The following CR1 variants were observed in gnomAD, a reference collection of about 807,000 sequenced individuals.
CR1 encodes complement C3b/C4b receptor 1 (Knops blood group).
Under a neutral mutation model 187.3 loss-of-function variants are expected in CR1, and 116 were observed. The ratio of observed to expected loss-of-function variants is 0.62; its 90% confidence interval spans 0.53 to 0.72. The LOEUF (loss-of-function observed/expected upper bound fraction) is 0.72, where lower values mean the gene tolerates loss of function less well. Ranked by LOEUF, CR1 falls within the 30% of genes least tolerant of loss-of-function variation. CR1 has a pLI of 0.00. For missense variants in CR1, 1,731 were observed against 2,110.7 expected (o/e 0.82, Z 3.52); for synonymous variants, 576 against 747.1 (o/e 0.77, Z 3.73).
At chr1:207,608,755 T>A (rs1661822196) in intron 36 of CR1, among the ~76,000 whole-genome samples, 1 of 152,190 alleles carries the variant, frequency 6.6e-6, no homozygotes, top group Admixed American at 6.5e-5. Context: ...CAATACTGGT[T>A]ATGTGTGTAT....
intron 5 of CR1, among the ~76,000 whole-genome samples, chr1:207,525,312 A>G (rs1412613490): frequency 6.6e-6 from 1 of 151,652 alleles, no homozygotes; most frequent in Admixed American, 6.6e-5. Flanking sequence ...AGGAAAAGCA[A>G]TAGGACAAAG....
At chr1:207,522,659 G>C (rs1027594149) in intron 4 of CR1, among the ~76,000 whole-genome samples, 1 of 152,114 alleles carries the variant, frequency 6.6e-6, no homozygotes, top group African/African-American at 2.4e-5. Context: ...TAATTCTCCA[G>C]TATTTCTAGC....
intron 27 of CR1, among the ~76,000 whole-genome samples, chr1:207,574,678 G>A (rs1051847025): frequency 2.0e-5 from 3 of 152,134 alleles, no homozygotes; most frequent in Non-Finnish European, 2.9e-5. Context: ...GCAAGAAAAG[G>A]TAGGCTAAAC....
At position 207,614,489 on chromosome 1, in the gene CR1, C is replaced by T. The variant is rs1375478918; in HGVS notation, c.6661C>T (p.Gln2221Ter). 6 of 1,608,436 alleles carry T rather than the reference C, an allele frequency of 3.7e-6. No individual in the cohort carries two copies. The African/African-American group carries it at 6.7e-5, about 18-fold the overall frequency. ...LWNSSVPVCEQIFCPNPPAIL... is the reference protein window; with the variant it reads ...LWNSSVPVCE ...GAATAGCAGTGTTCCAGTGTGTGAA[C>T]GTGAGTAGAAAGAACTATGTAGTTT... The change falls in exon 40 of 47, where the codon CAA (glutamine) becomes TAA (stop). Residue 2221 changes from glutamine to a stop codon, truncating the protein, a stop_gained and splice_region_variant. Transcript: ENST00000367049. LOFTEE classifies it high-confidence loss of function.
chr1:207,633,798 A>C (rs1662724469), intron 46 of CR1, among the ~76,000 whole-genome samples: 1 of 152,242 alleles, frequency 6.6e-6, no homozygotes, highest in Non-Finnish European at 1.5e-5. Context: ...TTGTGTGAGC[A>C]ACATGGCTGT....
At chr1:207,597,263 T>C (rs1467332985) in intron 35 of CR1, among the ~76,000 whole-genome samples, 1 of 152,092 alleles carries the variant, frequency 6.6e-6, no homozygotes, top group Admixed American at 6.5e-5. Flanking sequence ...TCATCAGTTA[T>C]AATAGTAAAT....
chr1:207,584,987 A>T, intron 33 of CR1, 111 bp downstream of exon 33: 1 of 1,490,206 alleles, frequency 6.7e-7, no homozygotes, highest in Non-Finnish European at 9.0e-7. Flanking sequence ...CTTTGTCATA[A>T]GTGTAAATGT....
intron 4 of CR1, among the ~76,000 whole-genome samples, chr1:207,513,920 A>G (rs1659706394): frequency 6.6e-6 from 1 of 152,140 alleles, no homozygotes. Flanking sequence ...CTCAAAGTTA[A>G]AGTTTAAAAC....
intron 1 of CR1, 120 bp downstream of exon 1, chr1:207,496,508 G>A (rs1050700047): frequency 4.7e-6 from 5 of 1,058,086 alleles, no homozygotes; most frequent in Non-Finnish European, 6.4e-6. Flanking sequence ...AAGGCAGCGC[G>A]ATGGGTGGGC....
chr1:207,618,118 C>A lies in CR1; in HGVS notation c.6937C>A (p.His2313Asn). The change falls in exon 42 of 47, where the codon CAC becomes AAC. Residue 2313 changes from histidine to asparagine, a missense_variant. Transcript: ENST00000367049. ...CCAAAACGGGCATTACATTGGAGGA[C>A]ACGTATCTCTATATCTTCCTGGGAT... ...KIQNGHYIGG[H>N]VSLYLPGMTI... 2 of 1,613,784 alleles carry A rather than the reference C, an allele frequency of 1.2e-6. No individual in the cohort carries two copies. Among genetic ancestry groups the A allele is most frequent in the East Asian group, 2.2e-5 (1 of 44,894 alleles).
chr1:207,603,223 G>A (rs983015137), intron 35 of CR1, among the ~76,000 whole-genome samples: 1 of 152,046 alleles, frequency 6.6e-6, no homozygotes, highest in Non-Finnish European at 1.5e-5. Flanking sequence ...CCACCTCTCA[G>A]TGTCTGGTAA....
intron 39 of CR1, among the ~76,000 whole-genome samples, chr1:207,612,991 T>C (rs1207591206): frequency 6.6e-6 from 1 of 152,202 alleles, no homozygotes; most frequent in Non-Finnish European, 1.5e-5. Context: ...ACATCTCCTG[T>C]CGCCCAGCTC....
At position 207,609,344 on chromosome 1, in the gene CR1, A is replaced by G. The variant is rs765001077; in HGVS notation, c.5951A>G (p.Asn1984Ser). ...TISNGDFYSN[N>S]RTSFHNGTVV... ...TCCAATGGAGACTTCTACAGCAACA[A>G]TAGAACATCTTTTCACAATGGAACG... is the stretch of plus-strand genomic sequence containing the variant. The change falls in exon 37 of 47, where the codon AAT (asparagine) becomes AGT (serine). Residue 1984 changes from asparagine (N) to serine (S), a missense_variant. By Grantham distance (46) the Asn-to-Ser change is conservative. Transcript: ENST00000367049. 4.3e-6 allele frequency: 7 copies of G among 1,613,884 alleles called. No homozygotes were observed. Among genetic ancestry groups the G allele is most frequent in the Non-Finnish European group, 5.9e-6 (7 of 1,179,884 alleles).
chr1:207,511,130 C>T (rs1659602467), intron 3 of CR1, among the ~76,000 whole-genome samples: 2 of 152,200 alleles, frequency 1.3e-5, no homozygotes, highest in South Asian at 2.1e-4. Context: ...CCTAATTTGG[C>T]CTTCTTTAAT....
rs140371248 is a variant in CR1, at chr1:207,608,519, C to T, written c.5897-771C>T. Among the ~76,000 whole-genome samples the T allele has an allele frequency of 2.9e-3, 437 of 151,964 alleles. 3 individuals are homozygous for T. Among genetic ancestry groups the T allele is most frequent in the African/African-American group, 0.01 (417 of 41,444 alleles). Reference sequence around the variant, plus strand: ...TTCATTGTAGTCACTAATATTCTTCCCCCCCAAATTAACATTGACTTTTAA... The same window carrying T: ...TTCATTGTAGTCACTAATATTCTTCTCCCCCAAATTAACATTGACTTTTAA... On this transcript the variant is annotated intron_variant, in intron 36 of 46. Coordinates refer to ENST00000367049, the MANE Select transcript of CR1 (RefSeq NM_000651.6).
intron 32 of CR1, 39 bp downstream of exon 32, chr1:207,582,042 G>GT (rs1422937809): frequency 2.7e-6 from 4 of 1,480,456 alleles, no homozygotes; most frequent in South Asian, 1.2e-5. Flanking sequence ...GGATCTTTCT[G>GT]TTTTTTTCTT....
chr1:207,510,703 C>A (rs1305712019), intron 3 of CR1, among the ~76,000 whole-genome samples: 2 of 142,898 alleles, frequency 1.4e-5, no homozygotes, highest in Non-Finnish European at 3.0e-5. Context: ...CCTGGATTTC[C>A]TTTGGTTCTA....
chr1:207,615,678 T>C (rs56324637), intron 40 of CR1, among the ~76,000 whole-genome samples: 16 of 152,358 alleles, frequency 1.1e-4, no homozygotes, highest in African/African-American at 3.1e-4. Context: ...AAATAACTTA[T>C]AGAAATCAAT....
intron 1 of CR1, among the ~76,000 whole-genome samples, chr1:207,503,012 G>A (rs1659319955): frequency 6.6e-6 from 1 of 152,154 alleles, no homozygotes; most frequent in Non-Finnish European, 1.5e-5. Context: ...AGCAGAAAAT[G>A]AACTCTTGGA....
Sources: allele counts gnomAD v4.1 joint callset (sites outside exome capture counted in the v4.1 genomes callset), GRCh38; gene constraint gnomAD v4.1.1; transcripts MANE v1.5; gene names NCBI Gene and HGNC (gene_info 2026-07-23, HGNC 2026-07-21).